FUT8: variants seen among roughly 807,000 people sequenced by gnomAD.
The protein encoded by FUT8 is fucosyltransferase 8.
A neutral mutation model predicts 71.3 loss-of-function variants in FUT8; 29 were observed. The observed-to-expected ratio is 0.41, with a 90% CI of 0.30 to 0.55. The LOEUF (loss-of-function observed/expected upper bound fraction) is 0.55, where lower values mean the gene tolerates loss of function less well. FUT8 is among the 20% of genes least tolerant of loss of function. The pLI is 0.34. For synonymous variants in FUT8, 254 were observed against 239.3 expected (o/e 1.06, Z -0.57); for missense variants, 544 against 702.1 (o/e 0.77, Z 2.55).
intron 2 of FUT8, among the ~76,000 whole-genome samples, chr14:65,490,343 GCA>G (rs2066465047): frequency 6.6e-6 from 1 of 152,064 alleles, no homozygotes; most frequent in South Asian, 2.1e-4. Flanking sequence ...ATTGCTCTAT[GCA>G]CAGTTAAGTG....
chr14:65,724,460 A>G, intron 9 of FUT8, 137 bp downstream of exon 9: 3 of 579,134 alleles, frequency 5.2e-6, no homozygotes, highest in Non-Finnish European at 9.1e-6. Flanking sequence ...TGGACTATGT[A>G]CTTGTGTAAC....
At chr14:65,442,431 A>G (rs1454379684) in intron 1 of FUT8, among the ~76,000 whole-genome samples, 1 of 151,590 alleles carries the variant, frequency 6.6e-6, no homozygotes, top group Non-Finnish European at 1.5e-5. Context: ...CAGCCTCCCA[A>G]AGTGCTGGGA....
chr14:65,570,130 C>G (rs1328219656), intron 3 of FUT8, among the ~76,000 whole-genome samples: 2 of 152,042 alleles, frequency 1.3e-5, no homozygotes, highest in South Asian at 2.1e-4. Context: ...CTGTAAATTT[C>G]GTAAGACTAT....
At chr14:65,699,070 C>A (rs1170571134) in intron 7 of FUT8, among the ~76,000 whole-genome samples, 1 of 151,750 alleles carries the variant, frequency 6.6e-6, no homozygotes, top group Non-Finnish European at 1.5e-5. Context: ...CTCTCCACAG[C>A]CCATCTAATA....
intron 3 of FUT8, among the ~76,000 whole-genome samples, chr14:65,581,369 G>C (rs1325979362): frequency 6.6e-6 from 1 of 152,082 alleles, no homozygotes; most frequent in Middle Eastern, 3.2e-3. Flanking sequence ...ATTATAACCA[G>C]TTAGTCTCAG....
intron 1 of FUT8, among the ~76,000 whole-genome samples, chr14:65,446,862 T>G (rs2065750266): frequency 6.6e-6 from 1 of 151,704 alleles, no homozygotes; most frequent in Admixed American, 6.6e-5. Context: ...TCAGGCAGAG[T>G]TTTGCTATGT....
intron 3 of FUT8, among the ~76,000 whole-genome samples, chr14:65,583,227 G>GTAATCACTAGCATGCTCAC (rs1198322198): frequency 6.6e-6 from 1 of 151,804 alleles, no homozygotes; most frequent in African/African-American, 2.4e-5. Context: ...CCCAGGCTGA[G>GTAATCACTAGCATGCTCAC]TGCAGTGGTG....
chr14:65,476,637 ATTTTTTTTTTTTTTTTTTT>A (rs200882761), intron 2 of FUT8, among the ~76,000 whole-genome samples: 3 of 125,084 alleles, frequency 2.4e-5, no homozygotes, highest in Admixed American at 1.7e-4. Context: ...AAAGAAGTAG[ATTTTTTTTTTTTTTTTTTT>A]TTTTTTTTTT....
At chr14:65,568,651 G>A (rs1886321565) in intron 3 of FUT8, among the ~76,000 whole-genome samples, 1 of 150,222 alleles carries the variant, frequency 6.7e-6, no homozygotes, top group Non-Finnish European at 1.5e-5. Context: ...CTATATTTCA[G>A]TTCTTTGAAA....
intron 2 of FUT8, among the ~76,000 whole-genome samples, chr14:65,479,065 G>A (rs373497029): frequency 2.6e-5 from 4 of 152,178 alleles, no homozygotes; most frequent in African/African-American, 9.7e-5. Flanking sequence ...GTATGTGTCA[G>A]TATAATGCCA....
intron 6 of FUT8, among the ~76,000 whole-genome samples, chr14:65,656,314 A>G (rs1891680213): frequency 6.6e-6 from 1 of 151,582 alleles, no homozygotes; most frequent in South Asian, 2.1e-4. Flanking sequence ...TCAACACACA[A>G]ATATCAGTAT....
At chr14:65,707,496 A>T (rs1012900818) in intron 7 of FUT8, among the ~76,000 whole-genome samples, 2 of 151,366 alleles carry the variant, frequency 1.3e-5, no homozygotes, top group Admixed American at 1.3e-4. Flanking sequence ...TTTTATTTTG[A>T]TTCAGTTCCA....
At chr14:65,707,426 AT>A (rs1010652128) in intron 7 of FUT8, among the ~76,000 whole-genome samples, 1 of 150,946 alleles carries the variant, frequency 6.6e-6, no homozygotes, top group African/African-American at 2.4e-5. Flanking sequence ...ATGGCTTGCA[AT>A]TTTTTTTTCC....
intron 2 of FUT8, among the ~76,000 whole-genome samples, chr14:65,505,699 G>A (rs1460009902): frequency 6.6e-6 from 1 of 151,970 alleles, no homozygotes; most frequent in African/African-American, 2.4e-5. Flanking sequence ...AATTAAGAGT[G>A]GAACTTTTAT....
chr14:65,692,810 G>A (rs1327434802), intron 7 of FUT8, among the ~76,000 whole-genome samples: 2 of 150,698 alleles, frequency 1.3e-5, no homozygotes, highest in Admixed American at 6.6e-5. Context: ...GGGCAGAGAC[G>A]CTCCTCACCT....
upstream of FUT8, among the ~76,000 whole-genome samples, chr14:65,405,835 A>G (rs2065087206): frequency 6.6e-6 from 1 of 152,236 alleles, no homozygotes; most frequent in African/African-American, 2.4e-5. Context: ...CAGATTTTAT[A>G]TCTAGGTGAG....
At chr14:65,737,863 C>A (rs1250894690) in intron 10 of FUT8, among the ~76,000 whole-genome samples, 1 of 152,084 alleles carries the variant, frequency 6.6e-6, no homozygotes, top group Non-Finnish European at 1.5e-5. Flanking sequence ...GCACGCAATT[C>A]TACTCCCCTT....
intron 10 of FUT8, among the ~76,000 whole-genome samples, chr14:65,738,015 T>C (rs140519571): frequency 1.3e-5 from 2 of 152,200 alleles, no homozygotes; most frequent in East Asian, 1.9e-4. Context: ...GAGAGTACCA[T>C]GGAGGAAAGC....
At chr14:65,519,931 A>G (rs1882969183) in intron 2 of FUT8, among the ~76,000 whole-genome samples, 1 of 152,018 alleles carries the variant, frequency 6.6e-6, no homozygotes, top group African/African-American at 2.4e-5. Flanking sequence ...GGAGCGTGCC[A>G]CTACACCTGG....
Sources: allele counts gnomAD v4.1 joint callset (sites outside exome capture counted in the v4.1 genomes callset), GRCh38; gene constraint gnomAD v4.1.1; transcripts MANE v1.5; gene names NCBI Gene and HGNC (gene_info 2026-07-23, HGNC 2026-07-21).